CFH: variants seen among roughly 807,000 people sequenced by gnomAD.
The protein encoded by CFH is complement factor H, also known as H factor 1 (complement).
CFH carries 53 observed loss-of-function variants against 147.3 expected under a neutral mutation model. The observed-to-expected ratio is 0.36, with a 90% CI of 0.29 to 0.45. CFH has a LOEUF of 0.45. CFH is among the 20% of genes least tolerant of loss of function. CFH has a pLI of 1.00. For synonymous variants in CFH, 536 were observed against 489.4 expected, an observed-to-expected ratio of 1.10 and a Z score of -1.26; for missense variants, 1,380 against 1,498.0, an observed-to-expected ratio of 0.92 and a Z score of 1.30.
rs1653042478 is a variant in CFH, at chr1:196,747,168, C to T, written c.3551C>T (p.Thr1184Ile). Residue 1184 changes from threonine to isoleucine, a missense_variant, in exon 22 of 22, where the codon ACA (threonine) becomes ATA (isoleucine). Physicochemically the swap from Thr to Ile is moderately conservative, Grantham distance 89. Transcript: ENST00000367429. ...MENYNIALRW[T>I]AKQKLYSRTG... Reference sequence around the variant, plus strand: ...AATTATAACATAGCATTAAGGTGGACAGCCAAACAGAAGCTTTATTCGAGA... The same window carrying T: ...AATTATAACATAGCATTAAGGTGGATAGCCAAACAGAAGCTTTATTCGAGA... The T allele has an allele frequency of 1.2e-6, 2 of 1,613,784 alleles. No homozygotes were observed. The highest frequency in any genetic ancestry group is 1.7e-6 in the Non-Finnish European group (2 of 1,179,830).
At chr1:196,704,678 G>T (rs1668544590) in intron 9 of CFH, among the ~76,000 whole-genome samples, 1 of 152,328 alleles carries the variant, frequency 6.6e-6, no homozygotes, top group Admixed American at 6.5e-5. Flanking sequence ...AGCGCCCTTT[G>T]AGAGAAAAGG....
chr1:196,660,563 C>T (rs1666864797), intron 1 of CFH, among the ~76,000 whole-genome samples: 1 of 152,064 alleles, frequency 6.6e-6, no homozygotes, highest in African/African-American at 2.4e-5. Flanking sequence ...ATGATCTGAA[C>T]TAAGATTTTG....
At chr1:196,723,257 G>A (rs1395354645) in intron 11 of CFH, among the ~76,000 whole-genome samples, 1 of 151,772 alleles carries the variant, frequency 6.6e-6, no homozygotes, top group Non-Finnish European at 1.5e-5. Context: ...TTCCCTTTGA[G>A]AATATGACTA....
intron 9 of CFH, among the ~76,000 whole-genome samples, chr1:196,696,296 A>G (rs1040379577): frequency 7.9e-5 from 12 of 152,170 alleles, no homozygotes; most frequent in African/African-American, 2.7e-4. Flanking sequence ...AGAAATCAGG[A>G]TTAAGAAACT....
chr1:196,701,333 C>G, intron 9 of CFH: 1 of 1,613,800 alleles, frequency 6.2e-7, no homozygotes. Flanking sequence ...ACCCTCTGAA[C>G]TTCTGATCGA....
chr1:196,679,512 G>T, intron 5 of CFH, 111 bp from the exon 6 acceptor site: 2 of 766,462 alleles, frequency 2.6e-6, no homozygotes, highest in Non-Finnish European at 4.3e-6. Context: ...CTTTTGTTTG[G>T]TTGACTGATT....
intron 1 of CFH, 33 bp downstream of exon 1, chr1:196,652,208 G>A (rs201708081): frequency 5.4e-5 from 82 of 1,509,886 alleles, no homozygotes; most frequent in Middle Eastern, 5.3e-4. Context: ...TCTGAAAACT[G>A]TATTATGAAA....
chr1:196,700,380 A>G (rs1668414015), intron 9 of CFH, among the ~76,000 whole-genome samples: 2 of 151,926 alleles, frequency 1.3e-5, no homozygotes, highest in Admixed American at 6.6e-5. Context: ...GCACCCAGAC[A>G]TGATGGCTCA....
At chr1:196,657,645 A>G (rs1352342182) in intron 1 of CFH, among the ~76,000 whole-genome samples, 1 of 152,210 alleles carries the variant, frequency 6.6e-6, no homozygotes, top group African/African-American at 2.4e-5. Flanking sequence ...AAGATAAGAA[A>G]GAAATTTAAT....
chr1:196,689,079 A>C lies in CFH; in HGVS notation c.965-341A>C, dbSNP rs1212941059. 2.0e-5 allele frequency among the ~76,000 whole-genome samples: 3 copies of C among 152,190 alleles called. No individual in the cohort carries two copies. The East Asian group carries it at 5.8e-4, about 29-fold the overall frequency. ...ATGAGCTAAGCGGTAAAATTGGCATATTTCTCAACCGAAAAGCTTATTTAA... is the reference window on the plus strand; with the variant it reads ...ATGAGCTAAGCGGTAAAATTGGCATCTTTCTCAACCGAAAAGCTTATTTAA... On this transcript the variant is annotated intron_variant, in intron 7 of 21. Transcript: ENST00000367429.
chr1:196,699,688 G>A (rs1668393526), intron 9 of CFH, among the ~76,000 whole-genome samples: 1 of 152,148 alleles, frequency 6.6e-6, no homozygotes. Flanking sequence ...AATATGTAGA[G>A]GGTTATTATT....
intron 9 of CFH, among the ~76,000 whole-genome samples, chr1:196,694,039 C>A (rs1002406426): frequency 1.3e-5 from 2 of 149,846 alleles, no homozygotes; most frequent in Non-Finnish European, 3.0e-5. Flanking sequence ...GCAGAACGTG[C>A]AGGTTTGTTA....
intron 15 of CFH, among the ~76,000 whole-genome samples, chr1:196,733,794 C>T (rs754409166): frequency 2.6e-5 from 4 of 152,010 alleles, no homozygotes; most frequent in Non-Finnish European, 4.4e-5. Context: ...GGGTGAGCCA[C>T]GGGAACCGGC....
intron 9 of CFH, chr1:196,701,278 C>T (rs1370007546): frequency 2.5e-6 from 4 of 1,613,420 alleles, no homozygotes; most frequent in African/African-American, 1.3e-5. Flanking sequence ...TCTCAGCAAG[C>T]CTAACTCAGG....
chr1:196,735,681 G>C (rs898586744), intron 15 of CFH, among the ~76,000 whole-genome samples: 2 of 151,796 alleles, frequency 1.3e-5, no homozygotes, highest in Non-Finnish European at 2.9e-5. Context: ...AAAATAGAAG[G>C]AAAGAATCAT....
chr1:196,718,932 T>C (rs933432628), intron 11 of CFH, among the ~76,000 whole-genome samples: 3 of 152,102 alleles, frequency 2.0e-5, no homozygotes, highest in Non-Finnish European at 4.4e-5. Flanking sequence ...TCAAATATTC[T>C]TCTCTCAGCC....
At chr1:196,735,664 C>G (rs527895905) in intron 15 of CFH, among the ~76,000 whole-genome samples, 1 of 151,656 alleles carries the variant, frequency 6.6e-6, no homozygotes, top group Non-Finnish European at 1.5e-5. Context: ...GGAATGTACA[C>G]CCAACAAAAA....
chr1:196,665,614 T>C (rs1667055345), intron 1 of CFH, among the ~76,000 whole-genome samples: 1 of 152,218 alleles, frequency 6.6e-6, no homozygotes, highest in South Asian at 2.1e-4. Context: ...TTATTATTAT[T>C]ATATTTTTTT....
chr1:196,705,316 C>T (rs1005759925), intron 9 of CFH, among the ~76,000 whole-genome samples: 1 of 151,992 alleles, frequency 6.6e-6, no homozygotes, highest in Non-Finnish European at 1.5e-5. Flanking sequence ...AATCTGCTTT[C>T]GGACTGGAGA....
Sources: allele counts gnomAD v4.1 joint callset (sites outside exome capture counted in the v4.1 genomes callset), GRCh38; gene constraint gnomAD v4.1.1; transcripts MANE v1.5; gene names NCBI Gene and HGNC (gene_info 2026-07-23, HGNC 2026-07-21).